GPR158: variants seen among roughly 807,000 people sequenced by gnomAD.
The protein encoded by GPR158 is metabotropic glycine receptor.
GPR158 carries 30 observed loss-of-function variants against 78.2 expected under a neutral mutation model. That is an observed-to-expected ratio of 0.38 (90% confidence interval 0.29 to 0.52). The LOEUF is 0.52. Among genes scored for constraint, GPR158 ranks in the 20% least tolerant of loss-of-function variants. GPR158 has a pLI of 0.83. For synonymous variants in GPR158, 581 were observed against 591.1 expected, an observed-to-expected ratio of 0.98 and a Z score of 0.25; for missense variants, 1,463 against 1,523.5, an observed-to-expected ratio of 0.96 and a Z score of 0.66.
intron 2 of GPR158, among the ~76,000 whole-genome samples, chr10:25,346,773 A>T (rs1855377498): frequency 6.6e-6 from 1 of 151,980 alleles, no homozygotes; most frequent in Non-Finnish European, 1.5e-5. Context: ...TTAGAACCTG[A>T]ACCTAGTTAC....
At chr10:25,516,449 C>G (rs1836175873) in intron 5 of GPR158, among the ~76,000 whole-genome samples, 1 of 151,928 alleles carries the variant, frequency 6.6e-6, no homozygotes, top group African/African-American at 2.4e-5. Context: ...CTTGCCCATG[C>G]CTATGTCCTG....
intron 5 of GPR158, among the ~76,000 whole-genome samples, chr10:25,540,894 A>G: frequency 6.6e-6 from 1 of 151,102 alleles, no homozygotes; most frequent in East Asian, 1.9e-4. Flanking sequence ...ATACATATGT[A>G]ACAAACCTGC....
intron 5 of GPR158, among the ~76,000 whole-genome samples, chr10:25,484,259 C>G (rs969373742): frequency 1.3e-5 from 2 of 152,154 alleles, no homozygotes; most frequent in African/African-American, 4.8e-5. Flanking sequence ...ACTCTTAGCC[C>G]ACGTATCTCC....
At position 25,589,011 on chromosome 10, in the gene GPR158, A is replaced by G; in HGVS notation, c.1758A>G (p.Glu586=). ...DRWDYMTAVA[E]FLFLLWGVYL... is the part of the protein sequence containing the mutation. ...AATGGTTTGTTATTTTCACAGCTGA[A>G]TTTTTATTCCTCTTGTGGGGTGTTT... is the stretch of plus-strand genomic sequence containing the variant. The change falls in exon 8 of 11, where the codon GAA becomes GAG. Residue 586 remains glutamate (E), a synonymous_variant. Coordinates refer to ENST00000376351, the MANE Select transcript of GPR158 (RefSeq NM_020752.3). 1 of 1,549,474 alleles carries G rather than the reference A, an allele frequency of 6.5e-7. No homozygotes were observed.
At chr10:25,261,922 G>A (rs1272884110) in intron 2 of GPR158, among the ~76,000 whole-genome samples, 2 of 152,018 alleles carry the variant, frequency 1.3e-5, no homozygotes, top group South Asian at 2.1e-4. Flanking sequence ...CTAAAACGCT[G>A]TTTTATGACC....
chr10:25,539,433 G>C (rs1187068287), intron 5 of GPR158, among the ~76,000 whole-genome samples: 1 of 151,996 alleles, frequency 6.6e-6, no homozygotes, highest in African/African-American at 2.4e-5. Flanking sequence ...TATTGGATAA[G>C]ATCTACCAAG....
At chr10:25,533,358 A>G (rs1836450558) in intron 5 of GPR158, among the ~76,000 whole-genome samples, 4 of 152,134 alleles carry the variant, frequency 2.6e-5, no homozygotes, top group Admixed American at 2.6e-4. Flanking sequence ...CCCTCAATTT[A>G]CTGAATCAGT....
At chr10:25,270,610 C>G (rs532235520) in intron 2 of GPR158, among the ~76,000 whole-genome samples, 1 of 152,288 alleles carries the variant, frequency 6.6e-6, no homozygotes, top group South Asian at 2.1e-4. Context: ...CCATGCTCCC[C>G]ACCCCAGTCA....
At chr10:25,571,273 G>A (rs1233112511) in intron 6 of GPR158, among the ~76,000 whole-genome samples, 1 of 152,138 alleles carries the variant, frequency 6.6e-6, no homozygotes, top group East Asian at 1.9e-4. Context: ...CAGAAAAATT[G>A]AGAAGTATTT....
intron 1 of GPR158, among the ~76,000 whole-genome samples, chr10:25,207,605 G>A (rs1853060866): frequency 6.6e-6 from 1 of 152,126 alleles, no homozygotes; most frequent in African/African-American, 2.4e-5. Context: ...GATCTGACAG[G>A]AAGTGAAGCT....
chr10:25,287,492 A>G (rs1267450378), intron 2 of GPR158, among the ~76,000 whole-genome samples: 4 of 152,138 alleles, frequency 2.6e-5, no homozygotes, highest in Non-Finnish European at 5.9e-5. Flanking sequence ...GGTGAGCAGC[A>G]AGTCAGGACT....
rs111687333 is a variant in GPR158 at position 25,449,163 on chromosome 10, C to T, written c.1336-17488C>T. Among the ~76,000 whole-genome samples the T allele has an allele frequency of 9.9e-3, 1,502 of 152,228 alleles. 24 individuals are homozygous for T. Among genetic ancestry groups the T allele is most frequent in the African/African-American group, 0.034 (1,417 of 41,546 alleles). ...TTTCCCTCCAATATGAATAATGCTG[C>T]GCATGAAGCTTTCCTATAATCAAAT... is the stretch of plus-strand genomic sequence containing the variant. On this transcript the variant is annotated intron_variant, in intron 4 of 10. Transcript: ENST00000376351.
At chr10:25,377,865 A>G (rs1350398884) in intron 2 of GPR158, among the ~76,000 whole-genome samples, 1 of 152,068 alleles carries the variant, frequency 6.6e-6, no homozygotes, top group East Asian at 1.9e-4. Flanking sequence ...ATGTAGACAT[A>G]TGTTTTCAAT....
intron 5 of GPR158, among the ~76,000 whole-genome samples, chr10:25,509,657 G>A (rs1212434956): frequency 6.6e-6 from 1 of 152,306 alleles, no homozygotes; most frequent in South Asian, 2.1e-4. Context: ...TGTTCAAAGG[G>A]CAGGCAATCC....
rs1186128616 is a variant in GPR158, at chr10:25,540,481, A to G, written c.1405-10495A>G. Among the ~76,000 whole-genome samples the G allele has an allele frequency of 2.6e-5, 4 of 152,216 alleles. No individual in the cohort carries two copies. The East Asian group carries it at 7.7e-4, about 29-fold the overall frequency. ...GATTATAAATCACGCTGCTGTAAAGACACATGCATACGTATGTTTATTGTG... is the reference window on the plus strand; with the variant it reads ...GATTATAAATCACGCTGCTGTAAAGGCACATGCATACGTATGTTTATTGTG... On this transcript the variant is annotated intron_variant, in intron 5 of 10. Transcript: ENST00000376351.
intron 5 of GPR158, among the ~76,000 whole-genome samples, chr10:25,492,507 T>C (rs1835824337): frequency 6.6e-6 from 1 of 152,172 alleles, no homozygotes. Flanking sequence ...CTGTTCTTCC[T>C]ACTGCATTCA....
At chr10:25,222,194 C>A (rs535532393) in intron 2 of GPR158, among the ~76,000 whole-genome samples, 1 of 152,014 alleles carries the variant, frequency 6.6e-6, no homozygotes, top group Non-Finnish European at 1.5e-5. Flanking sequence ...CCACACACAA[C>A]CCACATACCC....
At chr10:25,446,800 T>C (rs1224827975) in intron 4 of GPR158, among the ~76,000 whole-genome samples, 2 of 152,224 alleles carry the variant, frequency 1.3e-5, no homozygotes, top group Non-Finnish European at 2.9e-5. Context: ...GATCTGAATG[T>C]TTAACAGCAA....
chr10:25,260,562 C>A lies in GPR158; in HGVS notation c.1008+39405C>A, dbSNP rs150406346. ...ATCCAGAGTTCAGGGCTAAGACTGA[C>A]TTGTATTATTCTTTTGGTGGGACAG... On this transcript the variant is annotated intron_variant, in intron 2 of 10. Transcript: ENST00000376351. 3.1e-3 allele frequency among the ~76,000 whole-genome samples: 465 copies of A among 151,642 alleles called. 6 individuals carry two copies. The South Asian group carries it at 0.038, about 12-fold the overall frequency.
Sources: gnomAD v4.1 joint callset for allele counts (sites outside exome capture counted in the v4.1 genomes callset) on GRCh38, gnomAD v4.1.1 for gene constraint, MANE v1.5 for transcripts, NCBI Gene and HGNC (gene_info 2026-07-23, HGNC 2026-07-21) for gene names.